Variants in EXOC3L1 observed in about 807,000 individuals in gnomAD.
The protein encoded by EXOC3L1 is exocyst complex component 3 like 1, also known as exocyst complex component 3-like protein.
In EXOC3L1, 79 loss-of-function variants were observed where a neutral mutation model predicts 83.6. That is an observed-to-expected ratio of 0.95 (90% confidence interval 0.79 to 1.14). The LOEUF (loss-of-function observed/expected upper bound fraction) is 1.14. EXOC3L1 is among the 50% of genes most tolerant of loss of function. EXOC3L1 has a pLI of 0.00. For synonymous variants in EXOC3L1, 433 were observed against 451.2 expected (o/e 0.96, Z 0.51); for missense variants, 945 against 972.0 (o/e 0.97, Z 0.37).
chr16:67,184,825 G>T lies in EXOC3L1; in HGVS notation c.1906-15C>A, dbSNP rs771969854. On this transcript the variant is annotated splice_polypyrimidine_tract_variant and intron_variant, in intron 12 of 13. Coordinates refer to ENST00000314586, the MANE Select transcript of EXOC3L1 (RefSeq NM_178516.4). ...TCCTCCAGGCCCTGAGCACGTCGGG[G>T]TAGGGTCTCGCGCCAGCCCTCTCTC... 6.2e-7 allele frequency: 1 copy of T among 1,604,750 alleles called. No homozygotes were observed. Among genetic ancestry groups the T allele is most frequent in the Non-Finnish European group, 8.5e-7 (1 of 1,179,716 alleles).
At position 67,188,764 on chromosome 16, in the gene EXOC3L1, C is replaced by T. The variant is rs148391817; in HGVS notation, c.384G>A (p.Lys128=). Residue 128 remains lysine, a synonymous_variant, in exon 4 of 14, where the codon AAG becomes AAA. Transcript: ENST00000314586. ...EPLRERVAQH[K]QLQALSHLLP... ...GCAGGTGAGACAGGGCCTGCAGTTG[C>T]TTGTGCTGGGCAACCCGCTCCCGTA... 114 of 1,612,970 alleles carry T rather than the reference C, an allele frequency of 7.1e-5. No homozygotes were observed. The African/African-American group carries it at 1.4e-3, about 20-fold the overall frequency.
chr16:67,185,625 C>T (rs539984490), intron 9 of EXOC3L1, 135 bp from the exon 10 acceptor site: 1 of 803,424 alleles, frequency 1.2e-6, no homozygotes, highest in Non-Finnish European at 2.0e-6. Flanking sequence ...CTCTGCACTT[C>T]TGGTCCCAGG....
rs924793766 is a variant in EXOC3L1 at position 67,185,469 on chromosome 16, C to T, written c.1518G>A (p.Gln506=). 1 of 1,609,626 alleles carries T rather than the reference C, an allele frequency of 6.2e-7. No homozygotes were observed. The change falls in exon 10 of 14, where the codon CAG becomes CAA. Residue 506 remains glutamine (Q), a synonymous_variant. Transcript: ENST00000314586. Reference sequence around the variant, plus strand: ...AGGCCCCTGAAGGCGCCCCGTCCAGCTGCAGGACAGACACTGAGGAGCTGG... The same window carrying T: ...AGGCCCCTGAAGGCGCCCCGTCCAGTTGCAGGACAGACACTGAGGAGCTGG... ...SALSSSVSVL[Q]LDGAPSGALA...
In EXOC3L1 at chr16:67,185,011, C is replaced by G; in HGVS notation, c.1796G>C (p.Ser599Thr). ...CACCAGGCGGCCTTGCATCAGCGCGCTCAGGTACTGGAGCACCACGGCACG... is the reference window on the plus strand; with the variant it reads ...CACCAGGCGGCCTTGCATCAGCGCGGTCAGGTACTGGAGCACCACGGCACG... The part of the protein sequence containing the change: ...AERAVVLQYL[S>T]ALMQGRLVCR... The change falls in exon 12 of 14, where the codon AGC (serine) becomes ACC (threonine). Residue 599 changes from serine (S) to threonine (T), a missense_variant. By Grantham distance (58) the Ser-to-Thr change is moderately conservative (BLOSUM62 1). Transcript: ENST00000314586. 6.2e-7 allele frequency: 1 copy of G among 1,609,988 alleles called. No homozygotes were observed. The highest frequency in any genetic ancestry group is 8.5e-7 in the Non-Finnish European group (1 of 1,178,526).
At chr16:67,187,869 T>TCTCAGCCTTC in intron 4 of EXOC3L1, 32 bp from the exon 5 acceptor site, 1 of 1,539,658 alleles carries the variant, frequency 6.5e-7, no homozygotes, top group Non-Finnish European at 8.8e-7. Flanking sequence ...CGGCCCTGGG[T>TCTCAGCCTTC]CTCAGCCTTC....
intron 9 of EXOC3L1, chr16:67,185,751 C>T (rs1285783748): frequency 3.5e-6 from 2 of 565,844 alleles, no homozygotes; most frequent in Non-Finnish European, 6.3e-6. Flanking sequence ...GTTTCTGTTT[C>T]CTCATTCGTA....
chr16:67,189,744 G>T, intron 1 of EXOC3L1, 61 bp from the exon 2 acceptor site: 1 of 1,527,534 alleles, frequency 6.5e-7, no homozygotes. Context: ...GCCCCTGTGA[G>T]CTGCTGCCTC....
At chr16:67,185,628 G>T in intron 9 of EXOC3L1, 138 bp from the exon 10 acceptor site, 1 of 784,440 alleles carries the variant, frequency 1.3e-6, no homozygotes, top group Non-Finnish European at 2.0e-6. Context: ...TGCACTTCTG[G>T]TCCCAGGCAT....
At chr16:67,185,611 G>C (rs1269739900) in intron 9 of EXOC3L1, 121 bp from the exon 10 acceptor site, 1 of 909,280 alleles carries the variant, frequency 1.1e-6, no homozygotes, top group Non-Finnish European at 1.7e-6. Flanking sequence ...CGAGAACAGC[G>C]GCTCTCTGCA....
chr16:67,189,524 A>T, intron 2 of EXOC3L1, 107 bp downstream of exon 2: 1 of 1,362,272 alleles, frequency 7.3e-7, no homozygotes. Flanking sequence ...TCATCTGCCC[A>T]TCTTGACCTC....
intron 4 of EXOC3L1, 53 bp downstream of exon 4, chr16:67,188,668 G>A: frequency 6.6e-7 from 1 of 1,525,406 alleles, no homozygotes; most frequent in Non-Finnish European, 9.0e-7. Flanking sequence ...TTAGGGATGG[G>A]TGTTTGTGGA....
rs151133423 is a variant in EXOC3L1, at chr16:67,186,880, C to T, written c.1163G>A (p.Ser388Asn). ...EATFVANIQA[S>N]VSQWLQNALD... ...TGCATTCTGCAGCCACTGAGACACA[C>T]TTGCCTGGGGGGAGGGGCCAGGGGC... Residue 388 changes from serine to asparagine, a missense_variant, in exon 7 of 14, where the codon AGT (serine) becomes AAT (asparagine). Coordinates refer to ENST00000314586, the MANE Select transcript of EXOC3L1 (RefSeq NM_178516.4). 2.5e-6 allele frequency: 4 copies of T among 1,613,624 alleles called. No individual in the cohort carries two copies. Among genetic ancestry groups the T allele is most frequent in the South Asian group, 1.1e-5 (1 of 91,084 alleles).
Position 67,186,901 on chromosome 16 carries a change from G to C in EXOC3L1, c.1159-17C>G. On this transcript the variant is annotated splice_polypyrimidine_tract_variant and intron_variant, in intron 6 of 13. Coordinates refer to ENST00000314586, the MANE Select transcript of EXOC3L1 (RefSeq NM_178516.4). ...CACACTTGCCTGGGGGGAGGGGCCAGGGGCAAAGGAATGTAGCAGGGATCT... is the reference window on the plus strand; with the variant it reads ...CACACTTGCCTGGGGGGAGGGGCCACGGGCAAAGGAATGTAGCAGGGATCT... 6.2e-7 allele frequency: 1 copy of C among 1,613,344 alleles called. No homozygotes were observed. The highest frequency in any genetic ancestry group is 1.3e-5 in the African/African-American group (1 of 74,966).
intron 4 of EXOC3L1, 67 bp from the exon 5 acceptor site, chr16:67,187,904 G>A: frequency 6.7e-7 from 1 of 1,498,424 alleles, no homozygotes; most frequent in Non-Finnish European, 8.9e-7. Flanking sequence ...TGTACAGCAG[G>A]GGATACTGAG....
chr16:67,185,579 G>T (rs574188710), intron 9 of EXOC3L1, 89 bp from the exon 10 acceptor site: 2 of 1,246,644 alleles, frequency 1.6e-6, no homozygotes, highest in Non-Finnish European at 2.3e-6. Flanking sequence ...ACCTTGTGGG[G>T]CAAGTGTTTG....
rs1385428751 is a variant in EXOC3L1 at position 67,188,810 on chromosome 16, G to T, written c.338C>A (p.Ala113Asp). The change falls in exon 4 of 14, where the codon GCC (alanine) becomes GAC (aspartate). Residue 113 changes from alanine (A) to aspartate (D), a missense_variant. Transcript: ENST00000314586. ...ARGLLQGMSQ[A>D]LQTLEPLRER... ...CCGTAGGGGCTCTAGAGTCTGTAAG[G>T]CCTGGGACATGCCCTGGAGCAACCC... 1.2e-6 allele frequency: 2 copies of T among 1,613,266 alleles called. No homozygotes were observed. Among genetic ancestry groups the T allele is most frequent in the Non-Finnish European group, 1.7e-6 (2 of 1,180,026 alleles).
At position 67,187,042 on chromosome 16, in the gene EXOC3L1, T is replaced by C; in HGVS notation, c.1137A>G (p.Ala379=). The C allele has an allele frequency of 6.2e-7, 1 of 1,613,712 alleles. No homozygotes were observed. The highest frequency in any genetic ancestry group is 1.3e-5 in the African/African-American group (1 of 75,038). The change falls in exon 6 of 14, where the codon GCA becomes GCG. Residue 379 remains alanine, a synonymous_variant. Coordinates refer to ENST00000314586, the MANE Select transcript of EXOC3L1 (RefSeq NM_178516.4). ...LTLENIEQLE[A]TFVANIQASV... Reference sequence around the variant, plus strand: ...TCACCTGGATGTTGGCCACAAATGTTGCCTCCAGCTGCTCAATGTTCTCCA... The same window carrying C: ...TCACCTGGATGTTGGCCACAAATGTCGCCTCCAGCTGCTCAATGTTCTCCA...
Position 67,187,289 on chromosome 16 carries a change from C to T in EXOC3L1, c.976G>A (p.Gly326Arg). The change falls in exon 5 of 14, where the codon GGG (glycine) becomes AGG (arginine). Residue 326 changes from glycine to arginine, a missense_variant. By Grantham distance (125) the Gly-to-Arg change is moderately radical (BLOSUM62 -2). Coordinates refer to ENST00000314586, the MANE Select transcript of EXOC3L1 (RefSeq NM_178516.4). Reference sequence around the variant, plus strand: ...GCATCCGCAGCTTCTAGCTCAGGCCCTGCAAGGAGGTTCTGCAGGCTGCGG... The same window carrying T: ...GCATCCGCAGCTTCTAGCTCAGGCCTTGCAAGGAGGTTCTGCAGGCTGCGG... ...LRRSLQNLLA[G>R]PELEAADAFA... The T allele has an allele frequency of 1.2e-6, 2 of 1,613,004 alleles. No homozygotes were observed. The highest frequency in any genetic ancestry group is 1.7e-6 in the Non-Finnish European group (2 of 1,179,954).
intron 9 of EXOC3L1, chr16:67,185,758 C>T (rs1385101572): frequency 1.8e-6 from 1 of 556,834 alleles, no homozygotes; most frequent in African/African-American, 1.9e-5. Flanking sequence ...TTTCCTCATT[C>T]GTAAAGGAAG....
Sources: gnomAD v4.1 joint callset for allele counts on GRCh38, gnomAD v4.1.1 for gene constraint, MANE v1.5 for transcripts, NCBI Gene and HGNC (gene_info 2026-07-23, HGNC 2026-07-21) for gene names.